ANKFN1: variants seen among roughly 807,000 people sequenced by gnomAD.
ANKFN1 encodes the protein ankyrin repeat and fibronectin type-III domain-containing protein 1.
In ANKFN1, 74 loss-of-function variants were observed where a neutral mutation model predicts 108.7. The ratio of observed to expected loss-of-function variants is 0.68; its 90% CI spans 0.56 to 0.83. ANKFN1 has a LOEUF of 0.83. Among genes scored for constraint, ANKFN1 ranks in the 40% least tolerant of loss-of-function variants. ANKFN1 has a pLI of 0.00. For missense variants in ANKFN1, 1,505 were observed against 1,382.3 expected, an observed-to-expected ratio of 1.09 and a Z score of -1.41; for synonymous variants, 547 against 516.2, an observed-to-expected ratio of 1.06 and a Z score of -0.81.
chr17:56,380,833 C>G (rs948859778), intron 8 of ANKFN1, among the ~76,000 whole-genome samples: 2 of 152,230 alleles, frequency 1.3e-5, no homozygotes, highest in Admixed American at 1.3e-4. Context: ...CTGCCTGCCT[C>G]TGTAGGCTCC....
chr17:56,304,393 G>C (rs928111252), intron 3 of ANKFN1, among the ~76,000 whole-genome samples: 14 of 152,150 alleles, frequency 9.2e-5, no homozygotes, highest in African/African-American at 3.4e-4. Context: ...TTAACCATCT[G>C]TTGAAGGACA....
chr17:56,294,431 C>T (rs2044452396), intron 3 of ANKFN1, among the ~76,000 whole-genome samples: 1 of 152,188 alleles, frequency 6.6e-6, no homozygotes, highest in South Asian at 2.1e-4. Context: ...TGGACTTTGC[C>T]AAGGAAGCTT....
intron 8 of ANKFN1, among the ~76,000 whole-genome samples, chr17:56,439,891 C>T (rs909252639): frequency 1.3e-5 from 2 of 152,030 alleles, no homozygotes; most frequent in African/African-American, 2.4e-5. Flanking sequence ...ATAGAACAAG[C>T]TGTTACATGT....
rs183239881 is a variant in ANKFN1 at position 56,094,778 on chromosome 17, C to G, written c.288+48453C>G. Among the ~76,000 whole-genome samples, 118 of 150,216 alleles carry G rather than the reference C, an allele frequency of 7.9e-4. 3 individuals carry two copies. The highest frequency in any genetic ancestry group is 2.4e-3 in the African/African-American group (99 of 40,934). On this transcript the variant is annotated intron_variant, in intron 4 of 12. Transcript: ENST00000635860. Reference sequence around the variant, plus strand: ...TTCGTGATCCACCCACCTTGACCTCCCAAAGTGTCGGGATTACAGGCATGA... The same window carrying G: ...TTCGTGATCCACCCACCTTGACCTCGCAAAGTGTCGGGATTACAGGCATGA...
intron 1 of ANKFN1, among the ~76,000 whole-genome samples, chr17:56,188,086 A>AAAAT (rs144198845): frequency 9.9e-4 from 151 of 152,206 alleles, no homozygotes; most frequent in South Asian, 2.5e-3. Context: ...ATAAGAATCA[A>AAAAT]AAATAAATAA....
chr17:56,146,015 C>A lies in ANKFN1; in HGVS notation c.289-81902C>A, dbSNP rs567354511. Among the ~76,000 whole-genome samples the A allele has an allele frequency of 2.0e-4, 31 of 152,296 alleles. No homozygotes were observed. In the South Asian group the frequency reaches 4.8e-3, roughly 23 times the overall value. On this transcript the variant is annotated intron_variant, in intron 4 of 12. Transcript: ENST00000635860. ...TTCCTAGATACAATGGGGGTATAGG[C>A]ATTGTGTAAATACACCCATTCTAAA... is the stretch of plus-strand genomic sequence containing the variant.
At chr17:56,339,163 ATTG>A (rs2045895673) in intron 4 of ANKFN1, among the ~76,000 whole-genome samples, 1 of 129,082 alleles carries the variant, frequency 7.7e-6, no homozygotes, top group Non-Finnish European at 1.8e-5. Context: ...TGTAAATTAA[ATTG>A]TTTTCTTTAT....
intron 1 of ANKFN1, among the ~76,000 whole-genome samples, chr17:56,205,436 T>A (rs974132332): frequency 7.9e-5 from 12 of 152,398 alleles, no homozygotes; most frequent in African/African-American, 2.9e-4. Context: ...CTGTTTGCAA[T>A]TTTTATTGCT....
At chr17:56,062,959 G>T (rs560788031) in intron 4 of ANKFN1, among the ~76,000 whole-genome samples, 130 of 152,252 alleles carry the variant, frequency 8.5e-4, no homozygotes, top group African/African-American at 3.0e-3. Flanking sequence ...TGTCTGGAAA[G>T]AAATTTATTT....
intron 8 of ANKFN1, among the ~76,000 whole-genome samples, chr17:56,375,936 A>G (rs1269080136): frequency 6.6e-6 from 1 of 152,198 alleles, no homozygotes; most frequent in African/African-American, 2.4e-5. Flanking sequence ...AAATGCTTAC[A>G]ACAGAGACAG....
At chr17:56,079,824 A>G (rs58480307) in intron 4 of ANKFN1, among the ~76,000 whole-genome samples, 3,806 of 152,220 alleles carry the variant, frequency 0.025, 144 homozygotes, top group African/African-American at 0.086. Flanking sequence ...GTTTCTGTAA[A>G]AAACATTGGC....
rs144094810 is a variant in ANKFN1, at chr17:56,103,575, G to A, written c.288+57250G>A. 1.3e-3 allele frequency among the ~76,000 whole-genome samples: 202 copies of A among 152,174 alleles called. 2 individuals carry two copies. The highest frequency in any genetic ancestry group is 4.4e-3 in the East Asian group (23 of 5,180). ...ATTGGGTGTGTGGTTCTTCCATGAG[G>A]TAAAAGTGATTTCTTTTCCTGAACT... On this transcript the variant is annotated intron_variant, in intron 4 of 12. Coordinates refer to the ANKFN1 transcript ENST00000635860.
intron 1 of ANKFN1, among the ~76,000 whole-genome samples, chr17:56,175,971 G>GGA (rs138529110): frequency 2.5e-4 from 38 of 151,740 alleles, no homozygotes; most frequent in Non-Finnish European, 4.0e-4. Flanking sequence ...AAGGGAGGCA[G>GGA]GAGAGAGAGA....
intron 8 of ANKFN1, among the ~76,000 whole-genome samples, chr17:56,385,914 G>A (rs1263797268): frequency 5.3e-5 from 8 of 152,094 alleles, no homozygotes; most frequent in East Asian, 1.9e-4. Context: ...TCAGTGTGGC[G>A]ATTCCTCAGG....
chr17:56,405,582 A>T (rs1383924304), intron 8 of ANKFN1, among the ~76,000 whole-genome samples: 1 of 152,210 alleles, frequency 6.6e-6, no homozygotes, highest in East Asian at 1.9e-4. Context: ...TAACATGCAC[A>T]AGAGTTGTTT....
At chr17:56,243,453 C>A (rs1917731539) in intron 3 of ANKFN1, among the ~76,000 whole-genome samples, 2 of 152,276 alleles carry the variant, frequency 1.3e-5, no homozygotes, top group South Asian at 4.1e-4. Flanking sequence ...TGTTTCCAGC[C>A]TTCCTGGGCC....
chr17:56,346,077 G>A (rs1310323013), intron 4 of ANKFN1, among the ~76,000 whole-genome samples: 1 of 152,176 alleles, frequency 6.6e-6, no homozygotes, highest in African/African-American at 2.4e-5. Context: ...AAGATGTGAT[G>A]AAGGGGTTCA....
At chr17:56,509,736 TACAG>T (rs2051683820) in intron 20 of ANKFN1, among the ~76,000 whole-genome samples, 1 of 152,226 alleles carries the variant, frequency 6.6e-6, no homozygotes, top group African/African-American at 2.4e-5. Flanking sequence ...CATCATCTCC[TACAG>T]TAAGGAAGAA....
intron 4 of ANKFN1, among the ~76,000 whole-genome samples, chr17:56,130,721 G>A (rs926385073): frequency 6.6e-6 from 1 of 152,178 alleles, no homozygotes; most frequent in Non-Finnish European, 1.5e-5. Context: ...AGTTCACTTT[G>A]CTGAAACTGA....
Sources: allele counts gnomAD v4.1 joint callset (sites outside exome capture counted in the v4.1 genomes callset), GRCh38; gene constraint gnomAD v4.1.1; transcripts MANE v1.5; gene names NCBI Gene and HGNC (gene_info 2026-07-23, HGNC 2026-07-21).